Variants in PRPSAP2 observed in about 807,000 individuals in gnomAD.
PRPSAP2 encodes the protein phosphoribosyl pyrophosphate synthase-associated protein 2.
Under a neutral mutation model 40.6 loss-of-function variants are expected in PRPSAP2, and 24 were observed. The observed-to-expected ratio is 0.59, with a 90% confidence interval of 0.43 to 0.83. The LOEUF (loss-of-function observed/expected upper bound fraction) is 0.83. Ranked by LOEUF, PRPSAP2 falls within the 40% of genes least tolerant of loss-of-function variation. PRPSAP2 has a pLI of 0.00. For missense variants in PRPSAP2, 292 were observed against 465.6 expected, an observed-to-expected ratio of 0.63 and a Z score of 3.43; for synonymous variants, 149 against 164.7, an observed-to-expected ratio of 0.90 and a Z score of 0.73.
chr17:18,908,223 G>A (rs1362998544), intron 8 of PRPSAP2: 10 of 702,158 alleles, frequency 1.4e-5, no homozygotes, highest in Admixed American at 1.1e-4. Flanking sequence ...AGCCAGCGAC[G>A]GGAGGCCTTG....
chr17:18,891,111 A>G (rs2039518947), intron 8 of PRPSAP2, among the ~76,000 whole-genome samples: 1 of 152,182 alleles, frequency 6.6e-6, no homozygotes, highest in Non-Finnish European at 1.5e-5. Flanking sequence ...CCAGTTGAAT[A>G]CCTTTGATCA....
At chr17:18,859,757 A>T (rs559429166) in intron 1 of PRPSAP2, 98 of 151,836 alleles carry the variant, frequency 6.5e-4, no homozygotes, top group African/African-American at 2.3e-3. Context: ...TTTTATTTTT[A>T]TTTTTTTTGC....
intron 4 of PRPSAP2, among the ~76,000 whole-genome samples, chr17:18,869,696 C>T (rs1295305364): frequency 2.7e-5 from 4 of 149,286 alleles, no homozygotes; most frequent in East Asian, 2.0e-4. Context: ...TTTTTTGATA[C>T]GGGGCTTTGC....
intron 4 of PRPSAP2, among the ~76,000 whole-genome samples, chr17:18,870,571 G>C (rs2037783034): frequency 6.6e-6 from 1 of 151,984 alleles, no homozygotes; most frequent in African/African-American, 2.4e-5. Context: ...ACTTTGTGGG[G>C]GTCAAGGTGG....
chr17:18,871,730 G>A (rs1031967898), intron 4 of PRPSAP2, among the ~76,000 whole-genome samples: 2 of 147,932 alleles, frequency 1.4e-5, no homozygotes, highest in East Asian at 4.0e-4. Flanking sequence ...GCACAATCTC[G>A]GCTCACCGCA....
chr17:18,927,884 T>G (rs1025923332), intron 10 of PRPSAP2, among the ~76,000 whole-genome samples: 1 of 152,104 alleles, frequency 6.6e-6, no homozygotes, highest in African/African-American at 2.4e-5. Flanking sequence ...GCTAAAGCAA[T>G]CCTCCTGCCT....
chr17:18,892,723 GTGTGTA>G (rs1313210516), intron 8 of PRPSAP2, among the ~76,000 whole-genome samples: 1 of 84,994 alleles, frequency 1.2e-5, no homozygotes, highest in African/African-American at 4.5e-5. Flanking sequence ...GTGTGTGTGT[GTGTGTA>G]TTTATTTATT....
chr17:18,872,008 C>T (rs1263712341), intron 4 of PRPSAP2, among the ~76,000 whole-genome samples: 1 of 152,106 alleles, frequency 6.6e-6, no homozygotes, highest in African/African-American at 2.4e-5. Context: ...CGGTAGCTCA[C>T]ACCTGTAATC....
intron 1 of PRPSAP2, chr17:18,859,902 GC>G (rs1567657349): frequency 6.9e-6 from 1 of 145,252 alleles, no homozygotes; most frequent in African/African-American, 2.6e-5. Context: ...GCGCCACCAC[GC>G]CCGGCTAATT....
At chr17:18,925,049 G>C (rs2041898358) in intron 10 of PRPSAP2, among the ~76,000 whole-genome samples, 2 of 151,802 alleles carry the variant, frequency 1.3e-5, no homozygotes, top group South Asian at 4.2e-4. Context: ...GAATCTGGGA[G>C]GCGGAGGTTG....
At chr17:18,862,739 A>C (rs527343166) in intron 1 of PRPSAP2, among the ~76,000 whole-genome samples, 4 of 152,324 alleles carry the variant, frequency 2.6e-5, no homozygotes, top group African/African-American at 9.6e-5. Flanking sequence ...TGTATTTACA[A>C]CTACAGGAAA....
At chr17:18,876,785 G>A (rs1440749844) in intron 5 of PRPSAP2, among the ~76,000 whole-genome samples, 1 of 152,172 alleles carries the variant, frequency 6.6e-6, no homozygotes, top group Non-Finnish European at 1.5e-5. Context: ...TAGAGAAGGT[G>A]AGGGAGAGTC....
intron 7 of PRPSAP2, among the ~76,000 whole-genome samples, chr17:18,885,702 C>T (rs2039088955): frequency 6.6e-6 from 1 of 152,104 alleles, no homozygotes; most frequent in South Asian, 2.1e-4. Context: ...ATTGTCCTGC[C>T]TCAGCCTCCC....
intron 8 of PRPSAP2, among the ~76,000 whole-genome samples, chr17:18,901,183 T>C (rs562074283): frequency 2.6e-5 from 4 of 152,306 alleles, no homozygotes; most frequent in African/African-American, 9.6e-5. Flanking sequence ...GTTGCCCTTT[T>C]CTTAGTCCTT....
At chr17:18,868,763 G>A (rs1193326296) in intron 4 of PRPSAP2, among the ~76,000 whole-genome samples, 1 of 142,034 alleles carries the variant, frequency 7.0e-6, no homozygotes, top group Non-Finnish European at 1.5e-5. Context: ...TCATTATGTT[G>A]CCCAGGCTTA....
chr17:18,887,314 C>G (rs1215886738), intron 7 of PRPSAP2, among the ~76,000 whole-genome samples: 2 of 151,686 alleles, frequency 1.3e-5, no homozygotes, highest in South Asian at 2.1e-4. Flanking sequence ...TAAATGGGTT[C>G]AAACAATTCT....
chr17:18,912,857 G>A (rs1426571087), intron 9 of PRPSAP2, among the ~76,000 whole-genome samples: 1 of 152,220 alleles, frequency 6.6e-6, no homozygotes, highest in African/African-American at 2.4e-5. Context: ...GAAGTAGGAA[G>A]AAAGAAAGGA....
Position 18,930,821 on chromosome 17 carries a change from T to C in PRPSAP2, c.*123T>C, listed in dbSNP as rs934718472. 18 of 901,026 alleles carry C rather than the reference T, an allele frequency of 2.0e-5. No individual in the cohort carries two copies. The highest frequency in any genetic ancestry group is 2.6e-5 in the Non-Finnish European group (17 of 650,938). The allele number at this position is 901,026 out of a possible 1,614,324, so 55.8% of individuals were successfully genotyped here. ...CTCTCCCCTGTAACCTCACTTCTTATTGATTCCTAAGAAGATAGACCAACT... is the reference window on the plus strand; with the variant it reads ...CTCTCCCCTGTAACCTCACTTCTTACTGATTCCTAAGAAGATAGACCAACT... On this transcript the variant is annotated 3_prime_UTR_variant, in exon 12 of 12. Transcript: ENST00000268835.
chr17:18,883,068 A>G (rs1181549741), intron 7 of PRPSAP2, among the ~76,000 whole-genome samples: 1 of 152,150 alleles, frequency 6.6e-6, no homozygotes, highest in African/African-American at 2.4e-5. Context: ...AGAAAACTAG[A>G]GTCATCATCA....
Sources: gnomAD v4.1 joint callset for allele counts (sites outside exome capture counted in the v4.1 genomes callset) on GRCh38, gnomAD v4.1.1 for gene constraint, MANE v1.5 for transcripts, NCBI Gene and HGNC (gene_info 2026-07-23, HGNC 2026-07-21) for gene names.